SH3RF3: variants seen among roughly 807,000 people sequenced by gnomAD.
The protein encoded by SH3RF3 is E3 ubiquitin-protein ligase SH3RF3.
Under a neutral mutation model 66.3 loss-of-function variants are expected in SH3RF3, and 29 were observed. The observed-to-expected ratio is 0.44, with a 90% CI of 0.33 to 0.60. The LOEUF is 0.60. SH3RF3 is among the 20% of genes least tolerant of loss of function. The pLI is 0.04. For missense variants in SH3RF3, 1,194 were observed against 1,190.9 expected, an observed-to-expected ratio of 1.00 and a Z score of -0.04; for synonymous variants, 583 against 532.0, an observed-to-expected ratio of 1.10 and a Z score of -1.32.
intron 1 of SH3RF3, among the ~76,000 whole-genome samples, chr2:109,313,216 G>T (rs1559017622): frequency 6.6e-6 from 1 of 152,208 alleles, no homozygotes; most frequent in Non-Finnish European, 1.5e-5. Flanking sequence ...GTCTATGCCA[G>T]CATCCTTGAC....
At chr2:109,139,379 C>A (rs910949576) in intron 1 of SH3RF3, among the ~76,000 whole-genome samples, 4 of 151,890 alleles carry the variant, frequency 2.6e-5, no homozygotes, top group African/African-American at 9.7e-5. Flanking sequence ...TTGTCTGGAC[C>A]AAGTTTGTAG....
At chr2:109,450,709 G>A (rs983494345) in intron 8 of SH3RF3, among the ~76,000 whole-genome samples, 5 of 152,056 alleles carry the variant, frequency 3.3e-5, no homozygotes, top group African/African-American at 1.2e-4. Context: ...AATCCAATAA[G>A]CAATTCTCCA....
chr2:109,468,123 G>A (rs772008739), intron 8 of SH3RF3, among the ~76,000 whole-genome samples: 8 of 152,196 alleles, frequency 5.3e-5, no homozygotes, highest in Non-Finnish European at 1.0e-4. Flanking sequence ...TCTGAAAAAC[G>A]CGTCGTTTGG....
intron 1 of SH3RF3, among the ~76,000 whole-genome samples, chr2:109,342,682 C>A (rs1281151360): frequency 1.3e-5 from 2 of 152,172 alleles, no homozygotes; most frequent in Non-Finnish European, 2.9e-5. Flanking sequence ...GCCTGAGAGT[C>A]CCAACCAGGG....
chr2:109,179,856 T>C (rs929984915), intron 1 of SH3RF3, among the ~76,000 whole-genome samples: 3 of 152,180 alleles, frequency 2.0e-5, no homozygotes, highest in Non-Finnish European at 4.4e-5. Flanking sequence ...CCACGCTGTC[T>C]CTTACCCCTC....
At chr2:109,172,865 G>C (rs1290631059) in intron 1 of SH3RF3, among the ~76,000 whole-genome samples, 3 of 152,214 alleles carry the variant, frequency 2.0e-5, no homozygotes, top group Non-Finnish European at 4.4e-5. Context: ...CCTTAGCTGA[G>C]TCCAGTATTT....
intron 4 of SH3RF3, among the ~76,000 whole-genome samples, chr2:109,418,977 T>C (rs909824229): frequency 1.3e-5 from 2 of 152,148 alleles, no homozygotes; most frequent in African/African-American, 4.8e-5. Flanking sequence ...CCCCTGATGC[T>C]GACCGTTCCT....
At chr2:109,144,046 G>T (rs1020301514) in intron 1 of SH3RF3, among the ~76,000 whole-genome samples, 1 of 152,070 alleles carries the variant, frequency 6.6e-6, no homozygotes, top group African/African-American at 2.4e-5. Context: ...CGAGGCGCCG[G>T]AAGTGTGGGA....
chr2:109,409,625 G>T (rs1275099594), intron 4 of SH3RF3, among the ~76,000 whole-genome samples: 2 of 152,124 alleles, frequency 1.3e-5, no homozygotes, highest in East Asian at 3.9e-4. Context: ...GAAGTTATGT[G>T]GGCAGAAGGC....
chr2:109,147,595 T>A (rs2378302), intron 1 of SH3RF3, among the ~76,000 whole-genome samples: 103,781 of 151,494 alleles, frequency 0.69, 36,435 homozygotes, highest in Non-Finnish European at 0.72. Context: ...TTCAGGAGGG[T>A]TATATCAAGG....
chr2:109,496,175 TGATTGGTGCATTTTACAGAGTGCG>T (rs1343578301), intron 9 of SH3RF3, among the ~76,000 whole-genome samples: 14 of 152,366 alleles, frequency 9.2e-5, no homozygotes, highest in Admixed American at 2.0e-4. Flanking sequence ...AGGATCCTGC[TGATTGGTGCATTTTACAGAGTGCG>T]GATTGGTGCA....
At chr2:109,400,599 T>A (rs963293033) in intron 4 of SH3RF3, among the ~76,000 whole-genome samples, 20 of 149,030 alleles carry the variant, frequency 1.3e-4, no homozygotes, top group African/African-American at 4.9e-4. Context: ...ACTTGTGAAC[T>A]TATATGCGTC....
At chr2:109,418,304 A>C (rs1273718810) in intron 4 of SH3RF3, among the ~76,000 whole-genome samples, 1 of 151,946 alleles carries the variant, frequency 6.6e-6, no homozygotes, top group Non-Finnish European at 1.5e-5. Context: ...CCTCTAATGG[A>C]GTGTCCTGAG....
chr2:109,248,988 C>A (rs1008103969), intron 1 of SH3RF3, among the ~76,000 whole-genome samples: 3 of 152,074 alleles, frequency 2.0e-5, no homozygotes, highest in Admixed American at 1.3e-4. Context: ...CCTAAGTGAT[C>A]CTCCCACCTC....
intron 1 of SH3RF3, among the ~76,000 whole-genome samples, chr2:109,233,908 T>C (rs948606659): frequency 1.3e-5 from 2 of 152,272 alleles, no homozygotes; most frequent in African/African-American, 4.8e-5. Context: ...TGCTGCATAA[T>C]ATTCCATCAT....
At chr2:109,385,318 A>C (rs6542820) in intron 3 of SH3RF3, among the ~76,000 whole-genome samples, 72,359 of 151,952 alleles carry the variant, frequency 0.48, 17,344 homozygotes, top group Middle Eastern at 0.55. Flanking sequence ...ATGATTGTTA[A>C]CTTAATTGTA....
At position 109,156,555 on chromosome 2, in the gene SH3RF3, T is replaced by C. The variant is rs1677350522; in HGVS notation, c.573+26442T>C. Among the ~76,000 whole-genome samples the C allele has an allele frequency of 2.6e-5, 4 of 152,166 alleles. No homozygotes were observed. In the South Asian group the frequency reaches 6.2e-4, roughly 24 times the overall value. On this transcript the variant is annotated intron_variant, in intron 1 of 9. Transcript: ENST00000309415. ...TTACCTCCTGAGTTCAAGCGATTCT[T>C]CTGCCTCAGCCTTCTGAGTAGCTGA...
intron 5 of SH3RF3, among the ~76,000 whole-genome samples, chr2:109,426,585 GATAAAA>G (rs2104546879): frequency 6.6e-6 from 1 of 152,322 alleles, no homozygotes; most frequent in East Asian, 1.9e-4. Flanking sequence ...AGTTTCTTGA[GATAAAA>G]ATCTCCTCCT....
chr2:109,232,412 T>A (rs559540272), intron 1 of SH3RF3, among the ~76,000 whole-genome samples: 1 of 152,250 alleles, frequency 6.6e-6, no homozygotes, highest in African/African-American at 2.4e-5. Flanking sequence ...CCTGGCTGAG[T>A]CACTTAATTT....
Sources: gnomAD v4.1 joint callset for allele counts (sites outside exome capture counted in the v4.1 genomes callset) on GRCh38, gnomAD v4.1.1 for gene constraint, MANE v1.5 for transcripts, NCBI Gene and HGNC (gene_info 2026-07-23, HGNC 2026-07-21) for gene names.